Variants in MYO1E observed in about 807,000 individuals in gnomAD.
MYO1E encodes unconventional myosin-Ie.
Under a neutral mutation model 151.1 loss-of-function variants are expected in MYO1E, and 68 were observed. The observed-to-expected ratio is 0.45, with a 90% CI of 0.37 to 0.55. The LOEUF (loss-of-function observed/expected upper bound fraction) is 0.55. Ranked by LOEUF, MYO1E falls within the 20% of genes least tolerant of loss-of-function variation. MYO1E has a pLI of 0.00. For synonymous variants in MYO1E, 601 were observed against 501.7 expected (o/e 1.20, Z -2.64); for missense variants, 1,363 against 1,389.3 (o/e 0.98, Z 0.30).
chr15:59,226,644 GA>G (rs1214684801), intron 7 of MYO1E, among the ~76,000 whole-genome samples: 1 of 151,834 alleles, frequency 6.6e-6, no homozygotes, highest in Non-Finnish European at 1.5e-5. Context: ...CCACCTCTAC[GA>G]AAAATACAAA....
In MYO1E at chr15:59,171,897, C is replaced by G. The variant is rs775165841; in HGVS notation, c.2480G>C (p.Ser827Thr). 1 of 1,614,194 alleles carries G rather than the reference C, an allele frequency of 6.2e-7. No individual in the cohort carries two copies. Among genetic ancestry groups the G allele is most frequent in the Non-Finnish European group, 8.5e-7 (1 of 1,180,032 alleles). Residue 827 changes from serine to threonine, a missense_variant and splice_region_variant, in exon 22 of 28, where the codon AGT becomes ACT. By Grantham distance (58) the Ser-to-Thr change is moderately conservative. Coordinates refer to ENST00000288235, the MANE Select transcript of MYO1E (RefSeq NM_004998.4). ...EIERILSVSL[S>T]TMQDDIFILH... ...CTGCCTCTGCACCTCCACTACTCAC[C>G]TGAGGGACACAGACAAGATCCGTTC...
chr15:59,316,449 G>C (rs1268152273), intron 1 of MYO1E, among the ~76,000 whole-genome samples: 3 of 152,084 alleles, frequency 2.0e-5, no homozygotes, highest in African/African-American at 4.8e-5. Flanking sequence ...AAAAATTTGT[G>C]GGCAGCACTC....
At chr15:59,324,663 G>GCCCCCCCCCCC (rs10717159) in intron 1 of MYO1E, among the ~76,000 whole-genome samples, 1 of 147,992 alleles carries the variant, frequency 6.8e-6, no homozygotes, top group Non-Finnish European at 1.5e-5. Flanking sequence ...CCCATCCCAA[G>GCCCCCCCCCCC]CCCCCCCCCC....
intron 1 of MYO1E, among the ~76,000 whole-genome samples, chr15:59,285,790 T>C (rs1303065331): frequency 6.6e-6 from 1 of 152,206 alleles, no homozygotes; most frequent in Non-Finnish European, 1.5e-5. Context: ...AATTAGTGTG[T>C]GCATGTCCAT....
chr15:59,208,661 A>C lies in MYO1E; in HGVS notation c.1530+20T>G. The stretch of plus-strand genomic sequence containing the variant: ...CAAAGGCTTAAAACAGATAGACATT[A>C]AAATGGATATTGGCCATACCTTCCC... On this transcript the variant is annotated intron_variant, in intron 14 of 27. Transcript: ENST00000288235. 1 of 1,614,038 alleles carries C rather than the reference A, an allele frequency of 6.2e-7. No individual in the cohort carries two copies.
chr15:59,317,492 G>A (rs2080596561), intron 1 of MYO1E, among the ~76,000 whole-genome samples: 1 of 152,202 alleles, frequency 6.6e-6, no homozygotes, highest in South Asian at 2.1e-4. Flanking sequence ...AGCAACAAGA[G>A]ACCTCCATAA....
rs776220679 is a variant in MYO1E, at chr15:59,136,611, A to G, written c.*769T>C. ...ATGTTTCTACCATCTCAAGATTTTT[A>G]TATATACAGTATATGATCTGTTTTT... On this transcript the variant is annotated 3_prime_UTR_variant, in exon 28 of 28. Transcript: ENST00000288235. 4 of 428,836 alleles carry G rather than the reference A, an allele frequency of 9.3e-6. No individual in the cohort carries two copies. The highest frequency in any genetic ancestry group is 4.1e-5 in the African/African-American group (2 of 48,872). The allele number at this position is 428,836 out of a possible 1,614,324, so 26.6% of individuals were successfully genotyped here.
intron 5 of MYO1E, among the ~76,000 whole-genome samples, chr15:59,235,833 G>A (rs1447031342): frequency 2.6e-5 from 4 of 152,096 alleles, no homozygotes; most frequent in Admixed American, 2.0e-4. Flanking sequence ...CCAATCAAGC[G>A]TTTAAAACAT....
chr15:59,253,172 G>C (rs529434661), intron 4 of MYO1E, among the ~76,000 whole-genome samples: 51 of 152,330 alleles, frequency 3.3e-4, no homozygotes, highest in Non-Finnish European at 5.6e-4. Context: ...CACCTTGGGA[G>C]ACTGCTAGGG....
intron 2 of MYO1E, among the ~76,000 whole-genome samples, chr15:59,262,239 CTTAT>C (rs2080228480): frequency 6.6e-6 from 1 of 151,622 alleles, no homozygotes; most frequent in African/African-American, 2.4e-5. Context: ...TATTCATCTA[CTTAT>C]TTAACAAATA....
intron 22 of MYO1E, 40 bp downstream of exon 22, chr15:59,171,857 C>A (rs368798501): frequency 1.1e-5 from 18 of 1,613,526 alleles, no homozygotes; most frequent in Admixed American, 1.7e-5. Context: ...GATGCTGAGG[C>A]GAGAAGGGGC....
At chr15:59,354,476 A>G (rs144219711) in intron 1 of MYO1E, among the ~76,000 whole-genome samples, 1 of 152,118 alleles carries the variant, frequency 6.6e-6, no homozygotes, top group African/African-American at 2.4e-5. Context: ...CCACTCCCCC[A>G]CAAACGTCAG....
In MYO1E at chr15:59,277,702, T is replaced by C. The variant is rs114278387; in HGVS notation, c.4-5253A>G. Among the ~76,000 whole-genome samples the C allele has an allele frequency of 4.1e-3, 630 of 152,254 alleles. 7 individuals are homozygous for C. Among genetic ancestry groups the C allele is most frequent in the African/African-American group, 0.015 (612 of 41,538 alleles). Reference sequence around the variant, plus strand: ...AGTTTGTAATAGGGAAACAGAAGCATCATTAAGGGACTGATTAGAATACAG... The same window carrying C: ...AGTTTGTAATAGGGAAACAGAAGCACCATTAAGGGACTGATTAGAATACAG... On this transcript the variant is annotated intron_variant, in intron 1 of 27. Coordinates refer to ENST00000288235, the MANE Select transcript of MYO1E (RefSeq NM_004998.4).
At position 59,153,615 on chromosome 15, in the gene MYO1E, T is replaced by C. The variant is rs771643621; in HGVS notation, c.3055A>G (p.Lys1019Glu). The change falls in exon 26 of 28, where the codon AAG becomes GAG. Residue 1019 changes from lysine to glutamate, a missense_variant. Lys to Glu is a moderately conservative substitution (Grantham distance 56). Transcript: ENST00000288235. Reference sequence around the variant, plus strand: ...CCTGCAGCTCCCTGGTCCGGGACCTTGAGGAAATCCAGGCTCTCTGGCGTC... The same window carrying C: ...CCTGCAGCTCCCTGGTCCGGGACCTCGAGGAAATCCAGGCTCTCTGGCGTC... ...SQTPESLDFL[K>E]VPDQGAAGVR... The C allele has an allele frequency of 6.8e-6, 11 of 1,614,052 alleles. No homozygotes were observed. Among genetic ancestry groups the C allele is most frequent in the Non-Finnish European group, 8.5e-7 (1 of 1,180,022 alleles).
intron 6 of MYO1E, among the ~76,000 whole-genome samples, chr15:59,228,613 G>A (rs1240471870): frequency 6.6e-6 from 1 of 151,812 alleles, no homozygotes; most frequent in Non-Finnish European, 1.5e-5. Flanking sequence ...AGCACCCTCA[G>A]AGGCCAGAAG....
chr15:59,170,564 A>G (rs1254517590), intron 22 of MYO1E, among the ~76,000 whole-genome samples: 7 of 152,146 alleles, frequency 4.6e-5, no homozygotes, highest in Non-Finnish European at 1.0e-4. Flanking sequence ...GGCCTTCAGA[A>G]AATCAGTCAG....
intron 1 of MYO1E, among the ~76,000 whole-genome samples, chr15:59,304,456 G>A (rs1223867909): frequency 1.3e-5 from 2 of 152,296 alleles, no homozygotes; most frequent in South Asian, 4.1e-4. Context: ...ATATGTGCTA[G>A]AATTTCCCTT....
intron 1 of MYO1E, among the ~76,000 whole-genome samples, chr15:59,313,711 T>G (rs1294232891): frequency 6.6e-6 from 1 of 152,198 alleles, no homozygotes; most frequent in Admixed American, 6.5e-5. Context: ...AGCCCCTTGT[T>G]AAGTAAACTA....
In MYO1E at chr15:59,133,405, TC is replaced by T. The variant is rs2079355311; in HGVS notation, c.*3974del. 1 of 152,010 alleles carries T rather than the reference TC, an allele frequency of 6.6e-6. No homozygotes were observed. The highest frequency in any genetic ancestry group is 6.6e-5 in the Admixed American group (1 of 15,222). The allele number at this position is 152,010 out of a possible 1,614,324, so 9.4% of individuals were successfully genotyped here. A position where few individuals can be genotyped will look rare whatever the true frequency, so the allele number is the denominator to read the frequency against. On this transcript the variant is annotated 3_prime_UTR_variant, in exon 28 of 28. Transcript: ENST00000288235. ...AACGCACAGGCCTTTGACTCAGAGT[TC>T]CTGTGATGGCTCCCCCAGGGAAGAA...
Sources: gnomAD v4.1 joint callset for allele counts (sites outside exome capture counted in the v4.1 genomes callset) on GRCh38, gnomAD v4.1.1 for gene constraint, MANE v1.5 for transcripts, NCBI Gene and HGNC (gene_info 2026-07-23, HGNC 2026-07-21) for gene names.